ACOT12: variants seen among roughly 807,000 people sequenced by gnomAD.
ACOT12 encodes the protein acyl-CoA thioesterase 12.
A neutral mutation model predicts 67.7 loss-of-function variants in ACOT12; 51 were observed. The ratio of observed to expected loss-of-function variants is 0.75; its 90% CI spans 0.60 to 0.95. ACOT12 has a LOEUF of 0.95. ACOT12 is among the 40% of genes least tolerant of loss of function. ACOT12 has a pLI of 0.00. For missense variants in ACOT12, 734 were observed against 708.1 expected (o/e 1.04, Z -0.41); for synonymous variants, 251 against 244.6 (o/e 1.03, Z -0.24).
the ACOT12 span, among the ~76,000 whole-genome samples, chr5:81,323,177 A>G: frequency 0.27 from 41,144 of 152,156 alleles, 6,153 homozygotes; most frequent in Middle Eastern, 0.4. Context: ...ACAAGGCTCA[A>G]ATCTTGTAGG....
chr5:81,309,851 A>G, the ACOT12 span, among the ~76,000 whole-genome samples: 2 of 152,200 alleles, frequency 1.3e-5, no homozygotes, highest in Non-Finnish European at 2.9e-5. Flanking sequence ...GGAAATCAGA[A>G]TGTATCTTAC....
At chr5:81,385,597 A>G (rs939447802) in intron 2 of ACOT12, among the ~76,000 whole-genome samples, 160 bp downstream of exon 2, 1 of 152,190 alleles carries the variant, frequency 6.6e-6, no homozygotes, top group African/African-American at 2.4e-5. Flanking sequence ...AGTAGGCCCT[A>G]TGATTATTTT....
chr5:81,339,158 C>G (rs1323454901), intron 11 of ACOT12, among the ~76,000 whole-genome samples: 3 of 152,300 alleles, frequency 2.0e-5, no homozygotes, highest in Middle Eastern at 3.4e-3. Flanking sequence ...GTTATGGAGA[C>G]TACACTGTGG....
intron 13 of ACOT12, among the ~76,000 whole-genome samples, chr5:81,332,009 A>T (rs1301109857): frequency 6.6e-6 from 1 of 152,170 alleles, no homozygotes; most frequent in Non-Finnish European, 1.5e-5. Context: ...ATTATTTGGG[A>T]CAGTTTCTCT....
chr5:81,316,888 G>C, the ACOT12 span, among the ~76,000 whole-genome samples: 2 of 152,096 alleles, frequency 1.3e-5, no homozygotes, highest in African/African-American at 4.8e-5. Flanking sequence ...TTCTTTTCCT[G>C]TATTTTTTAA....
chr5:81,385,932 C>T (rs958478878), intron 1 of ACOT12, 106 bp from the exon 2 acceptor site: 2 of 1,013,770 alleles, frequency 2.0e-6, no homozygotes, highest in Non-Finnish European at 3.0e-6. Context: ...TCACCCATCC[C>T]TCATTCATTA....
intron 13 of ACOT12, among the ~76,000 whole-genome samples, chr5:81,332,275 A>G (rs561664487): frequency 6.6e-6 from 1 of 152,212 alleles, no homozygotes; most frequent in African/African-American, 2.4e-5. Context: ...GGATTCTTGC[A>G]TTGTCCTTTG....
downstream of ACOT12, among the ~76,000 whole-genome samples, chr5:81,326,754 G>A (rs571552741): frequency 6.6e-6 from 1 of 152,258 alleles, no homozygotes; most frequent in Non-Finnish European, 1.5e-5. Flanking sequence ...TCATGCTGTG[G>A]TCACCTTGAC....
intron 8 of ACOT12, 62 bp from the exon 9 acceptor site, chr5:81,344,277 A>G (rs1244590125): frequency 2.0e-6 from 3 of 1,511,326 alleles, no homozygotes; most frequent in African/African-American, 1.4e-5. Context: ...TCTTAGTGCT[A>G]TAATCCTTAA....
intron 2 of ACOT12, among the ~76,000 whole-genome samples, chr5:81,382,210 T>C (rs1760603046): frequency 6.6e-6 from 1 of 152,218 alleles, no homozygotes; most frequent in East Asian, 1.9e-4. Flanking sequence ...TTTCTAATTC[T>C]GTCCGCTGAA....
chr5:81,362,976 G>A (rs1759964299), intron 4 of ACOT12, among the ~76,000 whole-genome samples: 2 of 152,160 alleles, frequency 1.3e-5, no homozygotes, highest in African/African-American at 2.4e-5. Context: ...GATCAAGGCA[G>A]GCAGATCACC....
At chr5:81,324,383 T>G in the ACOT12 span, among the ~76,000 whole-genome samples, 28,317 of 152,048 alleles carry the variant, frequency 0.19, 2,798 homozygotes, top group Admixed American at 0.27. Context: ...GGGAATTTGT[T>G]GGGGGAAAGG....
chr5:81,357,847 A>G (rs961603196), intron 5 of ACOT12, among the ~76,000 whole-genome samples: 2 of 152,026 alleles, frequency 1.3e-5, no homozygotes, highest in Non-Finnish European at 2.9e-5. Flanking sequence ...CTCCCCTAAA[A>G]ACACAAAAAT....
downstream of ACOT12, among the ~76,000 whole-genome samples, chr5:81,328,757 T>C (rs1758735429): frequency 6.6e-6 from 1 of 152,150 alleles, no homozygotes. Flanking sequence ...AAGGGATTGT[T>C]TGGCACTAAG....
the ACOT12 span, among the ~76,000 whole-genome samples, chr5:81,318,928 G>C: frequency 6.6e-6 from 1 of 152,182 alleles, no homozygotes; most frequent in African/African-American, 2.4e-5. Flanking sequence ...ATGTTTGTTG[G>C]GGGAGAGCTC....
rs557701946 is a variant in ACOT12 at position 81,365,497 on chromosome 5, G to A, written c.259-1608C>T. On this transcript the variant is annotated intron_variant, in intron 3 of 14. Coordinates refer to ENST00000307624, the MANE Select transcript of ACOT12 (RefSeq NM_130767.3). ...TAAAATACCTAACAGTAAAAACAAA[G>A]CAACAATTCTGGAGTGTTAAAATAA... 7.2e-5 allele frequency among the ~76,000 whole-genome samples: 11 copies of A among 152,208 alleles called. No homozygotes were observed. In the South Asian group the frequency reaches 2.1e-3, roughly 29 times the overall value.
intron 1 of ACOT12, among the ~76,000 whole-genome samples, chr5:81,388,509 G>C (rs78851366): frequency 6.6e-6 from 1 of 152,208 alleles, no homozygotes; most frequent in East Asian, 1.9e-4. Flanking sequence ...CTAAGTGATT[G>C]TAAGTAGGTA....
At chr5:81,371,938 C>G (rs7727053) in intron 2 of ACOT12, 128 bp from the exon 3 acceptor site, 272,499 of 746,522 alleles carry the variant, frequency 0.37, 55,748 homozygotes, top group African/African-American at 0.72. Flanking sequence ...TTCATGCATG[C>G]GAAATTCAGG....
chr5:81,358,357 G>C (rs75866137), intron 5 of ACOT12, among the ~76,000 whole-genome samples: 2,061 of 152,232 alleles, frequency 0.014, 49 homozygotes, highest in African/African-American at 0.046. Context: ...GAGACAGCAG[G>C]GTTTTGTTTT....
Sources: gnomAD v4.1 joint callset for allele counts (sites outside exome capture counted in the v4.1 genomes callset) on GRCh38, gnomAD v4.1.1 for gene constraint, MANE v1.5 for transcripts, NCBI Gene and HGNC (gene_info 2026-07-23, HGNC 2026-07-21) for gene names.